The following TMEM181 variants were observed in gnomAD, a reference collection of about 807,000 sequenced individuals.
The protein encoded by TMEM181 is G protein-coupled receptor 178.
In TMEM181, 39 loss-of-function variants were observed where a neutral mutation model predicts 71.9. That is an observed-to-expected ratio of 0.54 (90% confidence interval 0.42 to 0.71). The LOEUF (loss-of-function observed/expected upper bound fraction) is 0.71. Ranked by LOEUF, TMEM181 falls within the 30% of genes least tolerant of loss-of-function variation. The probability of loss-of-function intolerance (pLI) is 0.00; values close to 1 mark genes in which losing one functional copy is unlikely to be tolerated. For missense variants in TMEM181, 595 were observed against 583.0 expected, an observed-to-expected ratio of 1.02 and a Z score of -0.21; for synonymous variants, 245 against 228.8, an observed-to-expected ratio of 1.07 and a Z score of -0.64.
intron 1 of TMEM181, among the ~76,000 whole-genome samples, chr6:158,567,976 G>A (rs1481696456): frequency 2.0e-5 from 3 of 152,110 alleles, no homozygotes; most frequent in Non-Finnish European, 4.4e-5. Flanking sequence ...TGAGCAGGGC[G>A]AGGCTGTTAA....
chr6:158,548,881 C>T (rs1324965148), intron 1 of TMEM181, among the ~76,000 whole-genome samples: 1 of 152,186 alleles, frequency 6.6e-6, no homozygotes, highest in Non-Finnish European at 1.5e-5. Flanking sequence ...ACTTAAAAAC[C>T]ACCCAAGGCA....
chr6:158,591,469 G>A (rs1255373966), intron 6 of TMEM181, among the ~76,000 whole-genome samples: 2 of 151,980 alleles, frequency 1.3e-5, no homozygotes, highest in African/African-American at 4.8e-5. Context: ...ATCTGAATCT[G>A]GGGTCTGGTC....
chr6:158,626,037 G>T (rs1268854636), intron 13 of TMEM181, among the ~76,000 whole-genome samples: 1 of 152,348 alleles, frequency 6.6e-6, no homozygotes, highest in East Asian at 1.9e-4. Context: ...TGTGTGCAGC[G>T]TGCAGTCACC....
chr6:158,619,109 C>T (rs1785797641), intron 10 of TMEM181, among the ~76,000 whole-genome samples: 1 of 152,212 alleles, frequency 6.6e-6, no homozygotes, highest in Non-Finnish European at 1.5e-5. Context: ...GTTCCATTCT[C>T]TCTGTCACTT....
At chr6:158,541,929 G>A (rs1175627530) in intron 1 of TMEM181, among the ~76,000 whole-genome samples, 1 of 133,028 alleles carries the variant, frequency 7.5e-6, no homozygotes, top group Non-Finnish European at 1.6e-5. Flanking sequence ...TTTTGAGATG[G>A]AGTCTTGCTC....
chr6:158,541,624 T>G (rs7766160), intron 1 of TMEM181, among the ~76,000 whole-genome samples: 31,659 of 151,984 alleles, frequency 0.21, 3,609 homozygotes, highest in African/African-American at 0.25. Flanking sequence ...CACGCCTCCA[T>G]GCTGGCCAAC....
In TMEM181 at chr6:158,628,467, A is replaced by G; in HGVS notation, c.1169A>G (p.Glu390Gly). The change falls in exon 14 of 17, where the codon GAG becomes GGG. Residue 390 changes from glutamate to glycine, a missense_variant. Glu to Gly is a moderately conservative substitution (Grantham distance 98, BLOSUM62 -2). Transcript: ENST00000684151. The part of the protein sequence containing the change: ...AQVLQDNFVA[E>G]LSTHYQNSAE... ...GTACTACAAGACAATTTTGTAGCAG[A>G]GCTGTCAACTCACTACCAGAATTAT... 6.2e-7 allele frequency: 1 copy of G among 1,614,212 alleles called. No homozygotes were observed. The highest frequency in any genetic ancestry group is 8.5e-7 in the Non-Finnish European group (1 of 1,180,032).
chr6:158,625,517 C>G (rs999809022), intron 12 of TMEM181, among the ~76,000 whole-genome samples, 186 bp from the exon 13 acceptor site: 6 of 152,144 alleles, frequency 3.9e-5, no homozygotes, highest in African/African-American at 1.4e-4. Flanking sequence ...GCTGTGGCCT[C>G]CCTGGACACC....
At chr6:158,611,463 G>C (rs1392472732) in intron 10 of TMEM181, 3 of 536,864 alleles carry the variant, frequency 5.6e-6, no homozygotes, top group South Asian at 4.2e-5. Context: ...GACCTTGTTG[G>C]GTTCCTCAGT....
At chr6:158,572,268 G>C in intron 1 of TMEM181, 1 of 389,512 alleles carries the variant, frequency 2.6e-6, no homozygotes, top group South Asian at 1.9e-5. Flanking sequence ...TGTGAGCTTT[G>C]GACCGTGAAG....
At chr6:158,603,693 T>G (rs1784794021) in intron 6 of TMEM181, among the ~76,000 whole-genome samples, 1 of 152,074 alleles carries the variant, frequency 6.6e-6, no homozygotes, top group South Asian at 2.1e-4. Context: ...CTTCCAAGTC[T>G]TTATTTAACA....
At chr6:158,572,595 G>A (rs1043918910) in intron 1 of TMEM181, 14 of 395,658 alleles carry the variant, frequency 3.5e-5, no homozygotes, top group African/African-American at 2.1e-4. Context: ...TGTGCCTTGC[G>A]ACAGAGACCG....
chr6:158,598,682 AT>A (rs901844156), intron 6 of TMEM181, among the ~76,000 whole-genome samples: 6 of 130,532 alleles, frequency 4.6e-5, no homozygotes, highest in African/African-American at 8.5e-5. Context: ...TTATTTATTT[AT>A]TTTTTTTTGA....
chr6:158,572,386 T>C, intron 1 of TMEM181: 1 of 456,622 alleles, frequency 2.2e-6, no homozygotes, highest in South Asian at 1.5e-5. Flanking sequence ...TTCCCGCTGG[T>C]CTGGCTCCCA....
Position 158,589,755 on chromosome 6 carries a change from G to A in TMEM181, c.465G>A (p.Lys155=). ...TGATAGTGGGATTTGAACACCTGAA[G>A]CTCCCCATCAAGGGAATGAACTTCA... is the stretch of plus-strand genomic sequence containing the variant. ...YTVIVGFEHL[K]LPIKGMNFTW... Residue 155 remains lysine (K), a synonymous_variant, in exon 6 of 17, where the codon AAG becomes AAA. Coordinates refer to ENST00000684151, the MANE Select transcript of TMEM181 (RefSeq NM_001376852.1). The A allele has an allele frequency of 1.2e-6, 2 of 1,614,044 alleles. No homozygotes were observed. The highest frequency in any genetic ancestry group is 4.5e-5 in the East Asian group (2 of 44,884).
At chr6:158,598,315 A>G (rs1279814183) in intron 6 of TMEM181, among the ~76,000 whole-genome samples, 1 of 152,042 alleles carries the variant, frequency 6.6e-6, no homozygotes, top group African/African-American at 2.4e-5. Flanking sequence ...CCGAGTTTTG[A>G]TTGACACTCT....
Position 158,560,144 on chromosome 6 carries a change from GGCTGCC to G in TMEM181, c.-73_-68del. On this transcript the variant is annotated 5_prime_UTR_variant, in exon 1 of 17. Transcript: ENST00000684151. Reference sequence around the variant, plus strand: ...CCGCTGTCGCTCCGGCTCCGGCTGCGGCTGCCGCTGCCGAGGCTGCTGCGCGGCGCC... The same window carrying G: ...CCGCTGTCGCTCCGGCTCCGGCTGCGGCTGCCGAGGCTGCTGCGCGGCGCC... The G allele has an allele frequency of 3.0e-6, 3 of 984,850 alleles. No homozygotes were observed. Among genetic ancestry groups the G allele is most frequent in the African/African-American group, 3.5e-5 (2 of 57,296 alleles). 61.0% of individuals were successfully genotyped at this position (984,850 alleles called of 1,614,324 possible). A position where few individuals can be genotyped will look rare whatever the true frequency, so the allele number is the denominator to read the frequency against.
At position 158,625,084 on chromosome 6, in the gene TMEM181, G is replaced by A. The variant is rs141411357; in HGVS notation, c.955-20G>A. The A allele has an allele frequency of 6.2e-4, 984 of 1,589,740 alleles. 5 individuals are homozygous for A. The African/African-American group carries it at 0.011, about 18-fold the overall frequency. ...ACAGAGGCCCTGTTCCGACTCAAGT[G>A]CTGCCTTGTGTCCTCCTAGGGAATG... On this transcript the variant is annotated intron_variant, in intron 11 of 16. Transcript: ENST00000684151.
chr6:158,562,233 C>T (rs1782221250), intron 1 of TMEM181, among the ~76,000 whole-genome samples: 1 of 152,176 alleles, frequency 6.6e-6, no homozygotes, highest in Non-Finnish European at 1.5e-5. Context: ...CAGTTCTTAA[C>T]AGTTTTACCT....
Sources: gnomAD v4.1 joint callset for allele counts (sites outside exome capture counted in the v4.1 genomes callset) on GRCh38, gnomAD v4.1.1 for gene constraint, MANE v1.5 for transcripts, NCBI Gene and HGNC (gene_info 2026-07-23, HGNC 2026-07-21) for gene names.